The following SETDB2 variants were observed in gnomAD, a reference collection of about 807,000 sequenced individuals.
SETDB2 encodes SET domain bifurcated histone lysine methyltransferase 2, also known as histone-lysine N-methyltransferase SETDB2.
In SETDB2, 56 loss-of-function variants were observed where a neutral mutation model predicts 82.5. The ratio of observed to expected loss-of-function variants is 0.68; its 90% confidence interval spans 0.55 to 0.85. SETDB2 has a LOEUF of 0.85. Among genes scored for constraint, SETDB2 ranks in the 40% least tolerant of loss-of-function variants. The pLI is 0.00. For synonymous variants in SETDB2, 272 were observed against 284.9 expected (o/e 0.95, Z 0.46); for missense variants, 677 against 816.4 (o/e 0.83, Z 2.08).
At chr13:49,491,442 C>T (rs1008227209) in intron 13 of SETDB2, among the ~76,000 whole-genome samples, 27 of 152,312 alleles carry the variant, frequency 1.8e-4, no homozygotes, top group African/African-American at 6.5e-4. Flanking sequence ...GAGCTATTCC[C>T]CAGCTACTTC....
At chr13:49,476,346 C>G (rs1247790587) in intron 5 of SETDB2, 130 bp from the exon 6 acceptor site, 1 of 690,120 alleles carries the variant, frequency 1.4e-6, no homozygotes, top group Admixed American at 3.1e-5. Context: ...TGTAGAACAT[C>G]TTAAAATGTG....
At position 49,476,629 on chromosome 13, in the gene SETDB2, G is replaced by T; in HGVS notation, c.459G>T (p.Leu153=). 2 of 1,614,132 alleles carry T rather than the reference G, an allele frequency of 1.2e-6. No individual in the cohort carries two copies. The highest frequency in any genetic ancestry group is 2.2e-5 in the South Asian group (2 of 91,080). The change falls in exon 6 of 14, where the codon CTG becomes CTT. Residue 153 remains leucine, a synonymous_variant. Coordinates refer to ENST00000611815, the MANE Select transcript of SETDB2 (RefSeq NM_001160308.3). The stretch of plus-strand genomic sequence containing the variant: ...TGAACTTGAAGGGAGAAAACCCTCT[G>T]CAGCTGCCAATCAAATGTCACTTCC... ...MPLNLKGENP[L]QLPIKCHFQR...
At chr13:49,465,007 A>G (rs1397952750) in intron 4 of SETDB2, among the ~76,000 whole-genome samples, 1 of 152,020 alleles carries the variant, frequency 6.6e-6, no homozygotes, top group Non-Finnish European at 1.5e-5. Flanking sequence ...TCAAGTCTGC[A>G]GTGAGCTGGG....
At chr13:49,489,440 T>A (rs920239901) in intron 12 of SETDB2, 8 of 151,180 alleles carry the variant, frequency 5.3e-5, no homozygotes, top group African/African-American at 1.9e-4. Flanking sequence ...TTTGTTACAG[T>A]GATGTAAAAA....
At chr13:49,471,934 A>ATATATATATATTT (rs1378783393) in intron 5 of SETDB2, among the ~76,000 whole-genome samples, 1 of 119,280 alleles carries the variant, frequency 8.4e-6, no homozygotes, top group Non-Finnish European at 1.6e-5. Flanking sequence ...ATATATATAT[A>ATATATATATATTT]TTTTTTTTTT....
At position 49,485,711 on chromosome 13, in the gene SETDB2, A is replaced by G. The variant is rs149403331; in HGVS notation, c.1564A>G (p.Lys522Glu). 4.5e-4 allele frequency: 730 copies of G among 1,613,820 alleles called. No individual in the cohort carries two copies. The highest frequency in any genetic ancestry group is 5.9e-4 in the Non-Finnish European group (697 of 1,179,878). The change falls in exon 11 of 14, where the codon AAG (lysine) becomes GAG (glutamate). Residue 522 changes from lysine to glutamate, a missense_variant. By Grantham distance (56) the Lys-to-Glu change is moderately conservative. Coordinates refer to ENST00000611815, the MANE Select transcript of SETDB2 (RefSeq NM_001160308.3). ...PPREHLNSKT[K>E]GAQKDSSSNH... ...CCGAGAGCATCTGAACTCTAAAACC[A>G]AGGGAGCACAAAGTAGGCTTTGTTT...
At chr13:49,490,965 A>C (rs1253934176) in intron 13 of SETDB2, 55 bp downstream of exon 13, 10 of 1,431,936 alleles carry the variant, frequency 7.0e-6, no homozygotes, top group African/African-American at 1.4e-5. Context: ...AAAAATAACA[A>C]TAGAGGGCTG....
chr13:49,461,910 C>T (rs1183090636), intron 4 of SETDB2, among the ~76,000 whole-genome samples: 1 of 152,140 alleles, frequency 6.6e-6, no homozygotes, highest in Non-Finnish European at 1.5e-5. Context: ...GCTATAATGG[C>T]TTATAGAACT....
At chr13:49,475,802 T>G (rs1958345118) in intron 5 of SETDB2, among the ~76,000 whole-genome samples, 2 of 151,982 alleles carry the variant, frequency 1.3e-5, no homozygotes, top group South Asian at 4.1e-4. Context: ...TTTTTTTTTA[T>G]TTTATTAATA....
intron 8 of SETDB2, among the ~76,000 whole-genome samples, chr13:49,481,585 C>T (rs1482066657): frequency 6.6e-6 from 1 of 152,200 alleles, no homozygotes; most frequent in Non-Finnish European, 1.5e-5. Context: ...TTAGGCAACT[C>T]ACTCTATTTT....
chr13:49,476,582 G>C lies in SETDB2; in HGVS notation c.412G>C (p.Ala138Pro), dbSNP rs112222038. The change falls in exon 6 of 14, where the codon GCT (alanine) becomes CCT (proline). Residue 138 changes from alanine to proline, a missense_variant. This residue lies in a region of SETDB2 where 243 missense variants were observed against 237.2 expected (regional missense o/e 1.02). Transcript: ENST00000611815. ...LSYQSHDCSG[A>P]CLMKMPLNLK... ...TTACCAAAGTCATGACTGCTCTGGT[G>C]CTTGTCTGATGAAAATGCCACTGAA... The C allele has an allele frequency of 6.1e-5, 98 of 1,614,060 alleles. No individual in the cohort carries two copies. The highest frequency in any genetic ancestry group is 3.3e-4 in the Middle Eastern group (2 of 6,084).
At chr13:49,474,309 C>T (rs1365303517) in intron 5 of SETDB2, among the ~76,000 whole-genome samples, 1 of 152,108 alleles carries the variant, frequency 6.6e-6, no homozygotes, top group Non-Finnish European at 1.5e-5. Context: ...ATCCTTTTAC[C>T]TGTTAGACTC....
At chr13:49,461,660 G>GT (rs1386962887) in intron 4 of SETDB2, among the ~76,000 whole-genome samples, 2 of 152,166 alleles carry the variant, frequency 1.3e-5, no homozygotes, top group Admixed American at 6.5e-5. Context: ...CCAAATGTGG[G>GT]TTTTCCATGC....
intron 12 of SETDB2, among the ~76,000 whole-genome samples, chr13:49,490,156 T>A (rs1262790704): frequency 1.3e-5 from 2 of 151,096 alleles, no homozygotes; most frequent in Non-Finnish European, 1.5e-5. Flanking sequence ...GGCACATGCC[T>A]ATAATCCCAG....
chr13:49,489,584 A>G (rs905381584), intron 12 of SETDB2, among the ~76,000 whole-genome samples: 2 of 138,632 alleles, frequency 1.4e-5, no homozygotes, highest in Admixed American at 7.7e-5. Flanking sequence ...TCTGTAGGTC[A>G]TCATATTTAT....
intron 10 of SETDB2, among the ~76,000 whole-genome samples, chr13:49,484,697 G>T (rs1958557963): frequency 6.6e-6 from 1 of 152,214 alleles, no homozygotes; most frequent in African/African-American, 2.4e-5. Context: ...GTCAGAGACT[G>T]AAACGTAGAA....
intron 8 of SETDB2, among the ~76,000 whole-genome samples, chr13:49,481,735 C>T (rs1434331398): frequency 6.6e-6 from 1 of 152,182 alleles, no homozygotes; most frequent in Admixed American, 6.5e-5. Context: ...CATTTACCTC[C>T]AGCATGTCAG....
At chr13:49,475,193 G>A (rs1290077163) in intron 5 of SETDB2, among the ~76,000 whole-genome samples, 5 of 152,018 alleles carry the variant, frequency 3.3e-5, no homozygotes, top group Non-Finnish European at 7.4e-5. Flanking sequence ...TCCCCCTTAC[G>A]TTACCATCAG....
At chr13:49,456,560 A>G (rs972720733) in intron 2 of SETDB2, among the ~76,000 whole-genome samples, 1 of 152,164 alleles carries the variant, frequency 6.6e-6, no homozygotes, top group Non-Finnish European at 1.5e-5. Flanking sequence ...TTGATCTTCA[A>G]TTCAGGTACC....
Sources: allele counts gnomAD v4.1 joint callset (sites outside exome capture counted in the v4.1 genomes callset), GRCh38; gene constraint gnomAD v4.1.1; regional missense constraint gnomAD v4.1.1; transcripts MANE v1.5; gene names NCBI Gene and HGNC (gene_info 2026-07-23, HGNC 2026-07-21).